ARHGAP22: variants seen among roughly 807,000 people sequenced by gnomAD.
ARHGAP22 encodes the protein Rho GTPase activating protein 22.
A neutral mutation model predicts 59.1 loss-of-function variants in ARHGAP22; 48 were observed. That is an observed-to-expected ratio of 0.81 (90% CI 0.64 to 1.03). The LOEUF is 1.03. Ranked by LOEUF, ARHGAP22 falls within the 50% of genes least tolerant of loss-of-function variation. ARHGAP22 has a pLI of 0.00. For missense variants in ARHGAP22, 1,015 were observed against 958.7 expected (o/e 1.06, Z -0.78); for synonymous variants, 445 against 416.4 (o/e 1.07, Z -0.84).
At chr10:48,434,805 G>A in the ARHGAP22 span, 3 of 1,276,194 alleles carry the variant, frequency 2.4e-6, no homozygotes, top group South Asian at 1.9e-5. Flanking sequence ...AATTACCACT[G>A]GAGGCAGTCA....
At chr10:48,616,918 A>T (rs535148538) in intron 1 of ARHGAP22, among the ~76,000 whole-genome samples, 10 of 152,112 alleles carry the variant, frequency 6.6e-5, no homozygotes, top group Non-Finnish European at 1.2e-4. Context: ...AGATGACCAT[A>T]TAGGCAAATA....
At chr10:48,518,841 GAA>G (rs1454880508) in intron 3 of ARHGAP22, among the ~76,000 whole-genome samples, 1 of 152,244 alleles carries the variant, frequency 6.6e-6, no homozygotes, top group Non-Finnish European at 1.5e-5. Flanking sequence ...AGAGACAGCA[GAA>G]AGATTCAAGT....
At chr10:48,431,249 C>T in the ARHGAP22 span, 20 of 1,610,826 alleles carry the variant, frequency 1.2e-5, no homozygotes, top group South Asian at 1.2e-4. Flanking sequence ...TGGAGTTATA[C>T]GGGGGCAGCC....
intron 1 of ARHGAP22, among the ~76,000 whole-genome samples, chr10:48,591,381 C>A (rs1384850950): frequency 1.3e-5 from 2 of 152,144 alleles, no homozygotes; most frequent in African/African-American, 4.8e-5. Flanking sequence ...AACCATTTCA[C>A]GCCATTTTCT....
At chr10:48,604,662 C>T in intron 1 of ARHGAP22, 101 bp downstream of exon 1, 1 of 1,583,214 alleles carries the variant, frequency 6.3e-7, no homozygotes, top group South Asian at 1.1e-5. Flanking sequence ...CCAGAACGCC[C>T]GCCCCATGTG....
intron 7 of ARHGAP22, 113 bp downstream of exon 7, chr10:48,453,975 G>T: frequency 1.8e-6 from 2 of 1,107,734 alleles, no homozygotes; most frequent in Non-Finnish European, 2.7e-6. Flanking sequence ...GTGCAGGGTG[G>T]GGAATGACCC....
At chr10:48,626,244 C>T (rs761402923) in intron 1 of ARHGAP22, among the ~76,000 whole-genome samples, 2 of 152,156 alleles carry the variant, frequency 1.3e-5, no homozygotes, top group South Asian at 2.1e-4. Context: ...TTTTTCTTGT[C>T]CTGATTCCAG....
intron 3 of ARHGAP22, among the ~76,000 whole-genome samples, chr10:48,499,584 A>G (rs1365421055): frequency 6.6e-6 from 1 of 152,230 alleles, no homozygotes; most frequent in African/African-American, 2.4e-5. Context: ...GGTATAGAGC[A>G]TTTCCCTGGA....
rs568029119 is a variant in ARHGAP22 at position 48,520,484 on chromosome 10, C to CA, written c.322+34978dup. Among the ~76,000 whole-genome samples the CA allele has an allele frequency of 3.1e-3, 479 of 152,226 alleles. 2 individuals carry two copies. The highest frequency in any genetic ancestry group is 0.021 in the South Asian group (100 of 4,802). The stretch of plus-strand genomic sequence containing the variant: ...TGATCTCCTTCAAGGCAGAGCCTGA[C>CA]AGGGGGGCCAGGATGAGTGGGGAGG... On this transcript the variant is annotated intron_variant, in intron 3 of 9. Coordinates refer to ENST00000249601, the MANE Select transcript of ARHGAP22 (RefSeq NM_021226.4).
intron 1 of ARHGAP22, among the ~76,000 whole-genome samples, chr10:48,584,993 C>CAA (rs34230451): frequency 0.67 from 91,781 of 137,264 alleles, 31,554 homozygotes; most frequent in East Asian, 0.93. Flanking sequence ...GACTCAGTCT[C>CAA]AAAAAAAAAA....
upstream of ARHGAP22, among the ~76,000 whole-genome samples, chr10:48,654,817 TCTTTCTTTCTTC>T (rs1240083465): frequency 3.9e-4 from 28 of 71,062 alleles, no homozygotes; most frequent in East Asian, 0.012. Flanking sequence ...TTTCTTTCTT[TCTTTCTTTCTTC>T]CTTCCTTCCT....
At chr10:48,536,038 G>A (rs539317453) in intron 3 of ARHGAP22, among the ~76,000 whole-genome samples, 7 of 152,336 alleles carry the variant, frequency 4.6e-5, no homozygotes, top group Admixed American at 2.6e-4. Context: ...GGCAGAGGCT[G>A]GCCTGGGTCC....
intron 3 of ARHGAP22, among the ~76,000 whole-genome samples, chr10:48,495,094 G>C (rs1259069935): frequency 6.6e-6 from 1 of 152,202 alleles, no homozygotes; most frequent in East Asian, 1.9e-4. Flanking sequence ...CGTGTTTACT[G>C]CCTGTCTCTG....
intron 3 of ARHGAP22, chr10:48,532,936 A>G (rs1026304438): frequency 6.6e-6 from 1 of 152,028 alleles, no homozygotes; most frequent in African/African-American, 2.4e-5. Context: ...GCCTGTCCTT[A>G]TTGAACTCCA....
intron 1 of ARHGAP22, among the ~76,000 whole-genome samples, chr10:48,615,578 C>A (rs2061047685): frequency 1.3e-5 from 2 of 151,992 alleles, no homozygotes; most frequent in Admixed American, 6.6e-5. Flanking sequence ...AAAATATTGT[C>A]CAGAAACAAA....
intron 4 of ARHGAP22, among the ~76,000 whole-genome samples, chr10:48,461,682 T>C (rs2047146972): frequency 6.6e-6 from 1 of 152,204 alleles, no homozygotes; most frequent in Non-Finnish European, 1.5e-5. Context: ...GCACAGTAAC[T>C]GGAGAAACAG....
chr10:48,589,887 A>T (rs1190751937), intron 1 of ARHGAP22, among the ~76,000 whole-genome samples: 1 of 152,090 alleles, frequency 6.6e-6, no homozygotes, highest in Non-Finnish European at 1.5e-5. Flanking sequence ...TAGTTATGGT[A>T]TTTACTACAC....
At chr10:48,459,567 C>G in intron 5 of ARHGAP22, 117 bp downstream of exon 5, 1 of 1,199,670 alleles carries the variant, frequency 8.3e-7, no homozygotes, top group South Asian at 1.4e-5. Flanking sequence ...ACTAGGAGGG[C>G]TGGCCCACCA....
chr10:48,586,696 G>C (rs1311127745), intron 1 of ARHGAP22, among the ~76,000 whole-genome samples: 1 of 152,206 alleles, frequency 6.6e-6, no homozygotes. Flanking sequence ...TAATTTAGTA[G>C]GTATAAAATG....
Sources: gnomAD v4.1 joint callset for allele counts (sites outside exome capture counted in the v4.1 genomes callset) on GRCh38, gnomAD v4.1.1 for gene constraint, MANE v1.5 for transcripts, NCBI Gene and HGNC (gene_info 2026-07-23, HGNC 2026-07-21) for gene names.